Variants in SIK2 observed in about 807,000 individuals in gnomAD.
The protein encoded by SIK2 is serine/threonine-protein kinase SIK2.
In SIK2, 29 loss-of-function variants were observed where a neutral mutation model predicts 103.2. That is an observed-to-expected ratio of 0.28 (90% CI 0.21 to 0.38). The LOEUF (loss-of-function observed/expected upper bound fraction) is 0.38. SIK2 is among the 10% of genes least tolerant of loss of function. The probability of loss-of-function intolerance (pLI) is 1.00; values close to 1 mark genes in which losing one functional copy is unlikely to be tolerated. For synonymous variants in SIK2, 412 were observed against 446.1 expected (o/e 0.92, Z 0.96); for missense variants, 879 against 1,171.0 (o/e 0.75, Z 3.64).
At chr11:111,679,557 T>C (rs1420335073) in intron 3 of SIK2, among the ~76,000 whole-genome samples, 8 of 152,232 alleles carry the variant, frequency 5.3e-5, no homozygotes, top group Non-Finnish European at 8.8e-5. Context: ...TTCATAAATA[T>C]ATCTCAAGGT....
At position 111,723,923 on chromosome 11, in the gene SIK2, C is replaced by G; in HGVS notation, c.2575C>G (p.Pro859Ala). The G allele has an allele frequency of 1.9e-6, 3 of 1,613,946 alleles. No homozygotes were observed. The Middle Eastern group carries it at 5.0e-4, about 266-fold the overall frequency. ...CELPSAASPA[P>A]DYPTPCQYPV... is the part of the protein sequence containing the mutation. ...GCTGCCAAGCGCTGCTTCCCCTGCG[C>G]CAGACTATCCCACTCCCTGTCAGTA... Residue 859 changes from proline to alanine, a missense_variant, in exon 15 of 15, where the codon CCA (proline) becomes GCA (alanine). Coordinates refer to ENST00000304987, the MANE Select transcript of SIK2 (RefSeq NM_015191.3).
At chr11:111,632,378 TA>T (rs1942051043) in intron 3 of SIK2, among the ~76,000 whole-genome samples, 1 of 152,116 alleles carries the variant, frequency 6.6e-6, no homozygotes, top group South Asian at 2.1e-4. Flanking sequence ...GCTTTTGGGG[TA>T]AAGTCCAGGA....
At chr11:111,703,467 T>G (rs1346050871) in intron 7 of SIK2, 44 bp downstream of exon 7, 2 of 1,573,424 alleles carry the variant, frequency 1.3e-6, no homozygotes, top group African/African-American at 2.7e-5. Flanking sequence ...ACTTAGCTAC[T>G]TGAAATTTCA....
intron 6 of SIK2, 68 bp from the exon 7 acceptor site, chr11:111,703,135 G>A: frequency 3.5e-6 from 5 of 1,424,886 alleles, no homozygotes; most frequent in Non-Finnish European, 4.9e-6. Flanking sequence ...AAAGTCACAT[G>A]AGTCAAGCAA....
At chr11:111,708,115 C>T (rs1429952517) in intron 8 of SIK2, among the ~76,000 whole-genome samples, 5 of 152,206 alleles carry the variant, frequency 3.3e-5, no homozygotes, top group Non-Finnish European at 7.3e-5. Context: ...GGCACAGTTG[C>T]TCATGCCTGT....
At chr11:111,707,148 T>C (rs1283392930) in intron 8 of SIK2, among the ~76,000 whole-genome samples, 1 of 152,156 alleles carries the variant, frequency 6.6e-6, no homozygotes, top group African/African-American at 2.4e-5. Context: ...AACTCTTTCC[T>C]TCTTGCAAAT....
At chr11:111,638,771 T>C (rs372729264) in intron 3 of SIK2, among the ~76,000 whole-genome samples, 4 of 152,320 alleles carry the variant, frequency 2.6e-5, no homozygotes, top group Middle Eastern at 3.4e-3. Flanking sequence ...CATCATCTTA[T>C]AATTCCATAA....
intron 7 of SIK2, among the ~76,000 whole-genome samples, chr11:111,704,211 T>C (rs1458057078): frequency 2.6e-5 from 4 of 152,188 alleles, no homozygotes; most frequent in African/African-American, 9.7e-5. Flanking sequence ...GTCCATGAAG[T>C]GCATCCTGAG....
At chr11:111,700,713 TTGCTAGTCATTG>T (rs1943193089) in intron 4 of SIK2, among the ~76,000 whole-genome samples, 161 bp from the exon 5 acceptor site, 1 of 152,224 alleles carries the variant, frequency 6.6e-6, no homozygotes, top group African/African-American at 2.4e-5. Flanking sequence ...TGAGTACTAT[TTGCTAGTCATTG>T]TGCTAATGCC....
In SIK2 at chr11:111,687,992, C is replaced by A; in HGVS notation, c.317-9C>A. ...GGTGACTAATTCTTAATCCTCTCTTCATTTACAGACTATCTTGCTAATCAT... is the reference window on the plus strand; with the variant it reads ...GGTGACTAATTCTTAATCCTCTCTTAATTTACAGACTATCTTGCTAATCAT... On this transcript the variant is annotated splice_polypyrimidine_tract_variant and intron_variant, in intron 3 of 14. Coordinates refer to ENST00000304987, the MANE Select transcript of SIK2 (RefSeq NM_015191.3). The A allele has an allele frequency of 1.2e-6, 2 of 1,613,372 alleles. No individual in the cohort carries two copies. The highest frequency in any genetic ancestry group is 1.7e-6 in the Non-Finnish European group (2 of 1,179,768).
rs1942884051 is a variant in SIK2 at position 111,688,812 on chromosome 11, GAT to G, written c.478+653_478+654del. On this transcript the variant is annotated intron_variant, in intron 4 of 14. Transcript: ENST00000304987. The surrounding 1 kb of genome is among the most constrained non-coding windows in gnomAD (Gnocchi z 4.2). Reference sequence around the variant, plus strand: ...TACTGTGCTATGTTAAGTACAATATGATATGTGGAAATCATTTCACAACATAT... The same window carrying G: ...TACTGTGCTATGTTAAGTACAATATGATGTGGAAATCATTTCACAACATAT... Among the ~76,000 whole-genome samples, 1 of 152,092 alleles carries G rather than the reference GAT, an allele frequency of 6.6e-6. No homozygotes were observed.
intron 3 of SIK2, among the ~76,000 whole-genome samples, chr11:111,627,196 A>G (rs1358232813): frequency 6.6e-6 from 1 of 152,178 alleles, no homozygotes. Context: ...CATGGAGCCC[A>G]TGAAGATATT....
intron 3 of SIK2, among the ~76,000 whole-genome samples, chr11:111,648,076 A>C (rs1225266564): frequency 1.3e-5 from 2 of 152,092 alleles, no homozygotes; most frequent in African/African-American, 4.8e-5. Flanking sequence ...TTAAAAAATA[A>C]GTTGTTTAAG....
chr11:111,635,832 A>AGT (rs2135852241), intron 3 of SIK2, among the ~76,000 whole-genome samples: 2 of 152,328 alleles, frequency 1.3e-5, no homozygotes, highest in South Asian at 4.1e-4. Flanking sequence ...TACTGTGAGC[A>AGT]GTGAGCTGCT....
rs917363564 is a variant in SIK2, at chr11:111,726,739, A to T, written c.*2610A>T. The T allele has an allele frequency of 1.8e-6, 1 of 559,864 alleles. No homozygotes were observed. Among genetic ancestry groups the T allele is most frequent in the Middle Eastern group, 4.8e-4 (1 of 2,076 alleles). 34.7% of individuals were successfully genotyped at this position (559,864 alleles called of 1,614,324 possible). A position where few individuals can be genotyped will look rare whatever the true frequency, so the allele number is the denominator to read the frequency against. ...AAACAAAACACTAAGAAGGCTTAGT[A>T]TCGCTCTTTTTCTGCGGGGCTACTC... is the stretch of plus-strand genomic sequence containing the variant. On this transcript the variant is annotated 3_prime_UTR_variant, in exon 15 of 15. Coordinates refer to ENST00000304987, the MANE Select transcript of SIK2 (RefSeq NM_015191.3).
chr11:111,713,693 G>A (rs1263100513), intron 9 of SIK2, among the ~76,000 whole-genome samples: 1 of 152,220 alleles, frequency 6.6e-6, no homozygotes, highest in East Asian at 1.9e-4. Flanking sequence ...TATGGGCCGG[G>A]CATGGTGGCT....
At chr11:111,687,226 A>G (rs912493415) in intron 3 of SIK2, among the ~76,000 whole-genome samples, 7 of 151,968 alleles carry the variant, frequency 4.6e-5, no homozygotes, top group Non-Finnish European at 8.8e-5. Flanking sequence ...GATTAGAAAT[A>G]TTTCTTCAGG....
intron 3 of SIK2, among the ~76,000 whole-genome samples, chr11:111,626,765 T>G (rs1358938398): frequency 6.6e-6 from 1 of 151,842 alleles, no homozygotes; most frequent in Non-Finnish European, 1.5e-5. Flanking sequence ...CAGTTTTCAG[T>G]AGGATTAATG....
At chr11:111,605,651 T>C (rs1591583922) in intron 1 of SIK2, among the ~76,000 whole-genome samples, 1 of 152,364 alleles carries the variant, frequency 6.6e-6, no homozygotes, top group East Asian at 1.9e-4. Flanking sequence ...TAATCATCTA[T>C]GTAATGAGCA....
Sources: gnomAD v4.1 joint callset for allele counts (sites outside exome capture counted in the v4.1 genomes callset) on GRCh38, gnomAD v4.1.1 for gene constraint, Gnocchi (gnomAD v3.1) non-coding constraint, MANE v1.5 for transcripts, NCBI Gene and HGNC (gene_info 2026-07-23, HGNC 2026-07-21) for gene names.